MBNL2: variants seen among roughly 807,000 people sequenced by gnomAD.
The protein encoded by MBNL2 is muscleblind like splicing regulator 2.
A neutral mutation model predicts 41.9 loss-of-function variants in MBNL2; 17 were observed. The observed-to-expected ratio is 0.41, with a 90% CI of 0.28 to 0.61. MBNL2 has a LOEUF of 0.61. Ranked by LOEUF, MBNL2 falls within the 20% of genes least tolerant of loss-of-function variation. The probability of loss-of-function intolerance (pLI) is 0.35; values close to 1 mark genes in which losing one functional copy is unlikely to be tolerated. For synonymous variants in MBNL2, 195 were observed against 182.9 expected (o/e 1.07, Z -0.53); for missense variants, 336 against 505.6 (o/e 0.66, Z 3.22).
At chr13:97,343,960 C>T (rs560748632) in intron 4 of MBNL2, among the ~76,000 whole-genome samples, 2 of 152,290 alleles carry the variant, frequency 1.3e-5, no homozygotes, top group South Asian at 4.1e-4. Flanking sequence ...GCATGCGCCA[C>T]CACGCCTGGC....
At chr13:97,187,832 C>T in the MBNL2 span, among the ~76,000 whole-genome samples, 10 of 149,954 alleles carry the variant, frequency 6.7e-5, no homozygotes, top group African/African-American at 1.2e-4. Context: ...GCGTGAACCC[C>T]GGGACGGCGG....
chr13:97,311,744 C>T (rs1375611247), intron 2 of MBNL2, among the ~76,000 whole-genome samples: 1 of 151,766 alleles, frequency 6.6e-6, no homozygotes, highest in African/African-American at 2.4e-5. Context: ...TGGAAGCTGC[C>T]TGAATTAAAC....
the MBNL2 span, among the ~76,000 whole-genome samples, chr13:97,187,996 TCTG>T: frequency 4.6e-5 from 7 of 151,990 alleles, no homozygotes; most frequent in African/African-American, 1.7e-4. Flanking sequence ...GCTAGAGAAA[TCTG>T]CTGGGAAATA....
At chr13:97,243,283 CTTAT>C (rs1382803432) in intron 1 of MBNL2, among the ~76,000 whole-genome samples, 1 of 152,208 alleles carries the variant, frequency 6.6e-6, no homozygotes, top group Non-Finnish European at 1.5e-5. Flanking sequence ...CTCCTGACGG[CTTAT>C]TTATTTAGTC....
the MBNL2 span, among the ~76,000 whole-genome samples, chr13:97,214,896 A>G: frequency 1.3e-5 from 2 of 152,232 alleles, no homozygotes; most frequent in Admixed American, 6.5e-5. Flanking sequence ...TGACAGGGGA[A>G]ATGCTCATTG....
chr13:97,358,654 T>C (rs1268519188), intron 7 of MBNL2, among the ~76,000 whole-genome samples: 1 of 152,194 alleles, frequency 6.6e-6, no homozygotes, highest in East Asian at 1.9e-4. Context: ...TTTTAGTCAA[T>C]GTTAGAAGCA....
chr13:97,315,116 A>T (rs903256930), intron 2 of MBNL2, among the ~76,000 whole-genome samples: 3 of 152,304 alleles, frequency 2.0e-5, no homozygotes, highest in African/African-American at 7.2e-5. Flanking sequence ...CACCATATCT[A>T]TATTTAAAAT....
At chr13:97,349,337 G>T (rs2062202205) in intron 5 of MBNL2, among the ~76,000 whole-genome samples, 1 of 152,134 alleles carries the variant, frequency 6.6e-6, no homozygotes, top group Non-Finnish European at 1.5e-5. Context: ...TTCTTTCAGA[G>T]CACAAATGAG....
At chr13:97,239,075 C>G (rs2043806071) in intron 1 of MBNL2, among the ~76,000 whole-genome samples, 1 of 152,224 alleles carries the variant, frequency 6.6e-6, no homozygotes, top group Non-Finnish European at 1.5e-5. Context: ...TCCAGCCTCA[C>G]TGCTAATCAA....
chr13:97,313,037 A>C (rs1444411424), intron 2 of MBNL2, among the ~76,000 whole-genome samples: 1 of 152,208 alleles, frequency 6.6e-6, no homozygotes, highest in East Asian at 1.9e-4. Flanking sequence ...TCGTCTACAG[A>C]GGGAAACACT....
chr13:97,352,770 A>C (rs902423212), intron 5 of MBNL2, among the ~76,000 whole-genome samples: 7 of 152,236 alleles, frequency 4.6e-5, no homozygotes, highest in African/African-American at 1.7e-4. Flanking sequence ...AAGTGCAATA[A>C]AACAACCTAT....
rs138674560 is a variant in MBNL2, at chr13:97,279,244, A to G, written c.174+2835A>G. On this transcript the variant is annotated intron_variant, in intron 2 of 8. Coordinates refer to ENST00000679496, the MANE Select transcript of MBNL2 (RefSeq NM_001382683.1). Reference sequence around the variant, plus strand: ...CAAGGGCTTTGAAATCAGAAGGACCAGGGCTTGACTAAGCCTGGCTGGGAC... The same window carrying G: ...CAAGGGCTTTGAAATCAGAAGGACCGGGGCTTGACTAAGCCTGGCTGGGAC... Among the ~76,000 whole-genome samples, 718 of 152,360 alleles carry G rather than the reference A, an allele frequency of 4.7e-3. 6 individuals are homozygous for G. Among genetic ancestry groups the G allele is most frequent in the African/African-American group, 0.016 (679 of 41,584 alleles).
upstream of MBNL2, among the ~76,000 whole-genome samples, chr13:97,220,493 A>G (rs1594049451): frequency 6.6e-6 from 1 of 152,194 alleles, no homozygotes; most frequent in Admixed American, 6.5e-5. Context: ...ACTTGGGAAA[A>G]CAGTGGAGAA....
At chr13:97,157,316 G>A in the MBNL2 span, among the ~76,000 whole-genome samples, 4 of 147,566 alleles carry the variant, frequency 2.7e-5, no homozygotes, top group Non-Finnish European at 4.5e-5. Flanking sequence ...GGGTTTTCTA[G>A]ATATACAATC....
intron 1 of MBNL2, among the ~76,000 whole-genome samples, chr13:97,228,288 C>T (rs1167354930): frequency 6.6e-6 from 1 of 151,932 alleles, no homozygotes; most frequent in Non-Finnish European, 1.5e-5. Flanking sequence ...CCCATAAGAC[C>T]CCCAAGCTGT....
the MBNL2 span, among the ~76,000 whole-genome samples, chr13:97,196,939 G>A: frequency 6.6e-6 from 1 of 152,088 alleles, no homozygotes; most frequent in Non-Finnish European, 1.5e-5. Context: ...TGTGATCTTT[G>A]TTATTCAGAT....
the MBNL2 span, among the ~76,000 whole-genome samples, chr13:97,212,509 T>A: frequency 6.6e-6 from 1 of 152,188 alleles, no homozygotes; most frequent in East Asian, 1.9e-4. Flanking sequence ...CACCTTCTGA[T>A]TTGCCATATA....
intron 5 of MBNL2, among the ~76,000 whole-genome samples, chr13:97,351,412 G>A (rs2062439344): frequency 6.6e-6 from 1 of 152,218 alleles, no homozygotes; most frequent in Non-Finnish European, 1.5e-5. Context: ...GTCAGCTGCT[G>A]TACTTTGAAG....
chr13:97,169,470 A>G, the MBNL2 span, among the ~76,000 whole-genome samples: 2 of 152,310 alleles, frequency 1.3e-5, no homozygotes, highest in Admixed American at 6.5e-5. Flanking sequence ...TGTGTCCCCA[A>G]CCAGAGGCAG....
Sources: gnomAD v4.1 joint callset for allele counts (sites outside exome capture counted in the v4.1 genomes callset) on GRCh38, gnomAD v4.1.1 for gene constraint, MANE v1.5 for transcripts, NCBI Gene and HGNC (gene_info 2026-07-23, HGNC 2026-07-21) for gene names.